The following LPA variants were observed in gnomAD, a reference collection of about 807,000 sequenced individuals.
The protein encoded by LPA is apolipoprotein(a).
In LPA, 199 loss-of-function variants were observed where a neutral mutation model predicts 197.9. The ratio of observed to expected loss-of-function variants is 1.01; its 90% CI spans 0.90 to 1.13. The LOEUF (loss-of-function observed/expected upper bound fraction) is 1.13. Ranked by LOEUF, LPA falls within the 50% of genes most tolerant of loss-of-function variation. The probability of loss-of-function intolerance (pLI) is 0.00; values close to 1 mark genes in which losing one functional copy is unlikely to be tolerated. For missense variants in LPA, 1,853 were observed against 1,785.8 expected (o/e 1.04, Z -0.68); for synonymous variants, 715 against 639.5 (o/e 1.12, Z -1.78).
At position 160,633,648 on chromosome 6, in the gene LPA, C is replaced by T. The variant is rs41267823; in HGVS notation, c.1235+105G>A. The T allele has an allele frequency of 1.9e-6, 2 of 1,039,052 alleles. 1 individual carries two copies. Among genetic ancestry groups the T allele is most frequent in the Non-Finnish European group, 2.7e-6 (2 of 746,016 alleles). The allele number at this position is 1,039,052 out of a possible 1,614,324, so 64.4% of individuals were successfully genotyped here. ...CTGAGACATTTTGCTACGCCATCTG[C>T]ATCTGTCACAAGTTGAGTTCGGAGA... On this transcript the variant is annotated intron_variant, in intron 8 of 38. Transcript: ENST00000316300.
chr6:160,635,712 C>T (rs2115087737), intron 6 of LPA, among the ~76,000 whole-genome samples: 1 of 110,834 alleles, frequency 9.0e-6, no homozygotes, highest in East Asian at 2.4e-4. Context: ...TGTCTAGTCT[C>T]CGTATCTCTC....
intron 29 of LPA, among the ~76,000 whole-genome samples, chr6:160,556,629 C>T (rs776821099): frequency 7.2e-5 from 11 of 152,168 alleles, no homozygotes; most frequent in Non-Finnish European, 1.0e-4. Context: ...TTCTGGTGGA[C>T]GGGGCAGTTC....
chr6:160,546,398 C>T (rs73594866), intron 32 of LPA, among the ~76,000 whole-genome samples: 2,777 of 152,276 alleles, frequency 0.018, 88 homozygotes, highest in African/African-American at 0.063. Flanking sequence ...CCCCTTCCCA[C>T]GTGCCTTGCC....
intron 28 of LPA, among the ~76,000 whole-genome samples, chr6:160,576,276 C>G (rs1415971894): frequency 6.8e-6 from 1 of 147,154 alleles, no homozygotes; most frequent in African/African-American, 2.5e-5. Context: ...CATGTCCTTT[C>G]AGACCACTGG....
chr6:160,578,185 A>C (rs1179399116), intron 27 of LPA, among the ~76,000 whole-genome samples: 1 of 152,188 alleles, frequency 6.6e-6, no homozygotes, highest in Non-Finnish European at 1.5e-5. Flanking sequence ...GGAAAGGCTT[A>C]TTGGCTTGGA....
chr6:160,602,994 GTTT>G (rs10548212), intron 18 of LPA, among the ~76,000 whole-genome samples: 7,447 of 121,402 alleles, frequency 0.061, 493 homozygotes, highest in African/African-American at 0.19. Flanking sequence ...GAATCATACA[GTTT>G]TTTTTTTTTT....
intron 30 of LPA, among the ~76,000 whole-genome samples, chr6:160,551,892 T>C (rs1159953408): frequency 6.6e-6 from 1 of 151,866 alleles, no homozygotes; most frequent in African/African-American, 2.4e-5. Context: ...TTGCATACTT[T>C]TTTGGCCAAT....
Position 160,653,983 on chromosome 6 carries a change from TATATA to T in LPA, c.50-3491_50-3487del, listed in dbSNP as rs1562354514. ...AATATATATTATATATAATATATAA[TATATA>T]ATATATATTATATATAATATATATT... On this transcript the variant is annotated intron_variant, in intron 1 of 38. Coordinates refer to ENST00000316300, the MANE Select transcript of LPA (RefSeq NM_005577.4). Among the ~76,000 whole-genome samples the T allele has an allele frequency of 1.9e-3, 29 of 14,900 alleles. 2 individuals are homozygous for T. The highest frequency in any genetic ancestry group is 6.6e-3 in the African/African-American group (28 of 4,238). 9.8% of individuals were successfully genotyped at this position (14,900 alleles called of 152,430 possible). A position where few individuals can be genotyped will look rare whatever the true frequency, so the allele number is the denominator to read the frequency against.
Position 160,594,107 on chromosome 6 carries a change from C to T in LPA, c.3480G>A (p.Glu1160=), listed in dbSNP as rs1302671395. 1 of 1,613,856 alleles carries T rather than the reference C, an allele frequency of 6.2e-7. No individual in the cohort carries two copies. Among genetic ancestry groups the T allele is most frequent in the South Asian group, 1.1e-5 (1 of 91,068 alleles). The change falls in exon 22 of 39, where the codon GAG becomes GAA. Residue 1160 remains glutamate (E), a synonymous_variant. Coordinates refer to ENST00000316300, the MANE Select transcript of LPA (RefSeq NM_005577.4). ...AGCAATCCTGGACCCCGGGGCTTTG[C>T]TCCGTTGGTGCTGAAATTCAAAGAG... is the stretch of plus-strand genomic sequence containing the variant. ...TEASSEEAPT[E]QSPGVQDCYH... is the part of the protein sequence containing the mutation.
intron 37 of LPA, among the ~76,000 whole-genome samples, chr6:160,537,514 A>G (rs1472104125): frequency 1.3e-5 from 2 of 152,230 alleles, no homozygotes; most frequent in Admixed American, 6.5e-5. Flanking sequence ...AACCCCACTT[A>G]CCTGGGGAAG....
At chr6:160,574,291 G>C (rs573440214) in intron 28 of LPA, among the ~76,000 whole-genome samples, 1 of 152,144 alleles carries the variant, frequency 6.6e-6, no homozygotes, top group Admixed American at 6.6e-5. Flanking sequence ...CAGGTGGGGG[G>C]AAAGTCAGGC....
intron 26 of LPA, among the ~76,000 whole-genome samples, chr6:160,580,271 T>C (rs1778767715): frequency 6.6e-6 from 1 of 152,222 alleles, no homozygotes; most frequent in South Asian, 2.1e-4. Context: ...TTTTTTCATT[T>C]TCTTTTGATG....
Position 160,551,015 on chromosome 6 carries a change from C to T in LPA, c.4974-2356G>A, listed in dbSNP as rs114914749. Among the ~76,000 whole-genome samples, 547 of 152,258 alleles carry T rather than the reference C, an allele frequency of 3.6e-3. 4 individuals carry two copies. The highest frequency in any genetic ancestry group is 0.013 in the African/African-American group (524 of 41,562). On this transcript the variant is annotated intron_variant, in intron 30 of 38. Coordinates refer to ENST00000316300, the MANE Select transcript of LPA (RefSeq NM_005577.4). ...CTATGAATATTCTTGGAGATGTCTTCGTGGACTTATGTTTCCATTTCTGTG... is the reference window on the plus strand; with the variant it reads ...CTATGAATATTCTTGGAGATGTCTTTGTGGACTTATGTTTCCATTTCTGTG...
At chr6:160,581,457 A>G (rs949011381) in intron 26 of LPA, among the ~76,000 whole-genome samples, 5 of 151,952 alleles carry the variant, frequency 3.3e-5, no homozygotes, top group African/African-American at 9.7e-5. Context: ...ATGGCACCAA[A>G]CCTGGCTAAT....
chr6:160,592,861 T>C (rs952587640), intron 22 of LPA, among the ~76,000 whole-genome samples: 12 of 152,170 alleles, frequency 7.9e-5, no homozygotes, highest in African/African-American at 2.9e-4. Flanking sequence ...TTCAGTGAGG[T>C]GTCTCTCCTC....
At chr6:160,562,835 A>G (rs1357589404) in intron 28 of LPA, among the ~76,000 whole-genome samples, 1 of 151,688 alleles carries the variant, frequency 6.6e-6, no homozygotes, top group African/African-American at 2.4e-5. Context: ...TTTCTTTTAG[A>G]TTTTCTATTT....
At chr6:160,540,409 TA>T (rs1243320982) in intron 35 of LPA, among the ~76,000 whole-genome samples, 1 of 152,240 alleles carries the variant, frequency 6.6e-6, no homozygotes, top group Non-Finnish European at 1.5e-5. Context: ...TGTCCCCACC[TA>T]AATCTCGTGT....
At chr6:160,542,524 TATA>T (rs1349735624) in intron 34 of LPA, among the ~76,000 whole-genome samples, 161 bp downstream of exon 34, 2 of 152,242 alleles carry the variant, frequency 1.3e-5, no homozygotes, top group Non-Finnish European at 2.9e-5. Flanking sequence ...GTAGAGAACC[TATA>T]ATAATATAAC....
chr6:160,609,823 G>A (rs1338602130), intron 16 of LPA, among the ~76,000 whole-genome samples: 2 of 151,820 alleles, frequency 1.3e-5, no homozygotes, highest in African/African-American at 4.8e-5. Flanking sequence ...GTGTGTATGG[G>A]TGTGTTTTGA....
Sources: allele counts gnomAD v4.1 joint callset (sites outside exome capture counted in the v4.1 genomes callset), GRCh38; gene constraint gnomAD v4.1.1; transcripts MANE v1.5; gene names NCBI Gene and HGNC (gene_info 2026-07-23, HGNC 2026-07-21).